Variants in DOCK4 observed in about 807,000 individuals in gnomAD.
DOCK4 encodes the protein dedicator of cytokinesis 4.
DOCK4 carries 97 observed loss-of-function variants against 268.1 expected under a neutral mutation model. That is an observed-to-expected ratio of 0.36 (90% CI 0.31 to 0.43). The LOEUF (loss-of-function observed/expected upper bound fraction) is 0.43, where lower values mean the gene tolerates loss of function less well. DOCK4 is among the 20% of genes least tolerant of loss of function. The pLI, the probability that DOCK4 is intolerant of heterozygous loss-of-function variation, is 1.00. For synonymous variants in DOCK4, 954 were observed against 887.2 expected, an observed-to-expected ratio of 1.08 and a Z score of -1.34; for missense variants, 2,145 against 2,455.7, an observed-to-expected ratio of 0.87 and a Z score of 2.67.
chr7:111,777,094 C>T (rs901235704), intron 36 of DOCK4, among the ~76,000 whole-genome samples: 4 of 152,202 alleles, frequency 2.6e-5, no homozygotes, highest in Non-Finnish European at 5.9e-5. Flanking sequence ...GCTGGGATTA[C>T]AGGCATGAGC....
chr7:111,808,958 T>C, intron 29 of DOCK4, 79 bp from the exon 30 acceptor site: 1 of 1,475,354 alleles, frequency 6.8e-7, no homozygotes, highest in Non-Finnish European at 9.3e-7. Context: ...GGATACAATC[T>C]ATCATTCTGA....
intron 1 of DOCK4, among the ~76,000 whole-genome samples, chr7:112,127,283 C>T (rs1207619631): frequency 1.3e-5 from 2 of 151,426 alleles, no homozygotes; most frequent in Non-Finnish European, 2.9e-5. Context: ...AACTGGAAAT[C>T]ATCATTCTCA....
chr7:111,855,918 C>T (rs961508754), intron 23 of DOCK4, among the ~76,000 whole-genome samples: 2 of 152,130 alleles, frequency 1.3e-5, no homozygotes, highest in African/African-American at 4.8e-5. Flanking sequence ...ATCATGAGTT[C>T]TACTGGATAT....
intron 41 of DOCK4, among the ~76,000 whole-genome samples, chr7:111,757,733 C>T (rs963422917): frequency 7.2e-5 from 11 of 152,080 alleles, no homozygotes; most frequent in African/African-American, 1.7e-4. Context: ...GAACTGACAC[C>T]GGCAGAGCTG....
intron 36 of DOCK4, among the ~76,000 whole-genome samples, chr7:111,777,410 G>T (rs934084339): frequency 6.6e-6 from 1 of 152,104 alleles, no homozygotes; most frequent in African/African-American, 2.4e-5. Context: ...CATGAATGAA[G>T]AAAGAATAAT....
intron 1 of DOCK4, among the ~76,000 whole-genome samples, chr7:112,059,688 A>G (rs1051381701): frequency 6.6e-6 from 1 of 152,230 alleles, no homozygotes; most frequent in Non-Finnish European, 1.5e-5. Flanking sequence ...AACTAATGCA[A>G]TAATTGATTC....
chr7:112,174,380 G>A (rs1818327944), intron 1 of DOCK4, among the ~76,000 whole-genome samples: 1 of 151,704 alleles, frequency 6.6e-6, no homozygotes, highest in South Asian at 2.1e-4. Flanking sequence ...TTAATTCAAG[G>A]GTAAGCTGCT....
rs140883588 is a variant in DOCK4, at chr7:112,018,143, CAAAAAAAAAAAAAAAA to C, written c.38-14028_38-14013del. Among the ~76,000 whole-genome samples the C allele has an allele frequency of 5.6e-3, 116 of 20,636 alleles. 4 individuals carry two copies. Among genetic ancestry groups the C allele is most frequent in the East Asian group, 0.015 (3 of 198 alleles). 13.5% of individuals were successfully genotyped at this position (20,636 alleles called of 152,430 possible). ...TGGGCAACACAGCAAGACTCCAGCTCAAAAAAAAAAAAAAAAAAAAAAAAAAAAAAAAAAAAACACA... is the reference window on the plus strand; with the variant it reads ...TGGGCAACACAGCAAGACTCCAGCTCAAAAAAAAAAAAAAAAAAAAACACA... On this transcript the variant is annotated intron_variant, in intron 1 of 52. Coordinates refer to ENST00000428084, the MANE Select transcript of DOCK4 (RefSeq NM_001363540.2).
chr7:111,798,559 A>G (rs1800058336), intron 30 of DOCK4, among the ~76,000 whole-genome samples: 1 of 152,222 alleles, frequency 6.6e-6, no homozygotes, highest in Non-Finnish European at 1.5e-5. Flanking sequence ...TAATAGCTCT[A>G]CTAGGCAAAA....
chr7:111,985,452 C>G (rs1424155792), intron 6 of DOCK4, among the ~76,000 whole-genome samples: 1 of 152,128 alleles, frequency 6.6e-6, no homozygotes, highest in Non-Finnish European at 1.5e-5. Context: ...ATTATAGAAC[C>G]ACAGCTTTCT....
chr7:111,798,126 G>A (rs1563519644), intron 30 of DOCK4, among the ~76,000 whole-genome samples: 2 of 152,192 alleles, frequency 1.3e-5, no homozygotes, highest in African/African-American at 4.8e-5. Context: ...GCAGGCCAGG[G>A]AATTTTAAAA....
intron 41 of DOCK4, among the ~76,000 whole-genome samples, chr7:111,755,984 C>T (rs998259934): frequency 1.1e-4 from 17 of 152,160 alleles, no homozygotes; most frequent in Non-Finnish European, 8.8e-5. Context: ...AGCCTGTCAA[C>T]GTAGAATTAG....
At chr7:112,003,085 A>T (rs186044167) in intron 2 of DOCK4, among the ~76,000 whole-genome samples, 1 of 151,890 alleles carries the variant, frequency 6.6e-6, no homozygotes, top group Non-Finnish European at 1.5e-5. Flanking sequence ...AAAAAAGAAA[A>T]AAAGAAAAAG....
At chr7:112,023,786 T>A (rs1025348419) in intron 1 of DOCK4, 3 of 252,310 alleles carry the variant, frequency 1.2e-5, no homozygotes, top group African/African-American at 6.7e-5. Context: ...CCTCAACTTA[T>A]CAATTAATTG....
chr7:111,910,557 G>A (rs1251640711), intron 13 of DOCK4, among the ~76,000 whole-genome samples: 2 of 152,180 alleles, frequency 1.3e-5, no homozygotes, highest in Admixed American at 1.3e-4. Context: ...TATTTTGGAT[G>A]TTTTAAGTTA....
intron 1 of DOCK4, among the ~76,000 whole-genome samples, chr7:112,022,963 C>T (rs146793046): frequency 0.016 from 2,360 of 152,242 alleles, 25 homozygotes; most frequent in Middle Eastern, 0.024. Flanking sequence ...GTTGCCCATG[C>T]TGGAGTGCAG....
Position 111,727,552 on chromosome 7 carries a change from GC to G in DOCK4, c.*721del, listed in dbSNP as rs1172564910. 6 of 152,572 alleles carry G rather than the reference GC, an allele frequency of 3.9e-5. No homozygotes were observed. The highest frequency in any genetic ancestry group is 7.3e-5 in the Non-Finnish European group (5 of 68,040). The allele number at this position is 152,572 out of a possible 1,614,324, so 9.5% of individuals were successfully genotyped here. A position where few individuals can be genotyped will look rare whatever the true frequency, so the allele number is the denominator to read the frequency against. On this transcript the variant is annotated 3_prime_UTR_variant, in exon 53 of 53. Coordinates refer to ENST00000428084, the MANE Select transcript of DOCK4 (RefSeq NM_001363540.2). ...GTAAACATTTCTTCTGGAGCCTCTT[GC>G]TTAATCTAGCTGATTGGAACTCTGA...
At chr7:112,014,301 A>G (rs918179668) in intron 1 of DOCK4, among the ~76,000 whole-genome samples, 11 of 152,156 alleles carry the variant, frequency 7.2e-5, no homozygotes, top group Admixed American at 6.5e-4. Context: ...ATTAGTTTTT[A>G]TCAAATTTAT....
intron 12 of DOCK4, among the ~76,000 whole-genome samples, chr7:111,919,546 G>C (rs1448312846): frequency 6.6e-6 from 1 of 152,208 alleles, no homozygotes; most frequent in Non-Finnish European, 1.5e-5. Context: ...TTTTCAACCT[G>C]AAGGTTTAGA....
Sources: gnomAD v4.1 joint callset for allele counts (sites outside exome capture counted in the v4.1 genomes callset) on GRCh38, gnomAD v4.1.1 for gene constraint, MANE v1.5 for transcripts, NCBI Gene and HGNC (gene_info 2026-07-23, HGNC 2026-07-21) for gene names.